The following ADAM10 variants were observed in gnomAD, a reference collection of about 807,000 sequenced individuals.
ADAM10 encodes ADAM metallopeptidase domain 10.
In ADAM10, 17 loss-of-function variants were observed where a neutral mutation model predicts 90.1. The ratio of observed to expected loss-of-function variants is 0.19; its 90% CI spans 0.13 to 0.28. ADAM10 has a LOEUF of 0.28. Among genes scored for constraint, ADAM10 ranks in the 10% least tolerant of loss-of-function variants. ADAM10 has a pLI of 1.00. For synonymous variants in ADAM10, 310 were observed against 298.6 expected, an observed-to-expected ratio of 1.04 and a Z score of -0.40; for missense variants, 610 against 914.3, an observed-to-expected ratio of 0.67 and a Z score of 4.29.
chr15:58,610,684 T>C, intron 13 of ADAM10, 167 bp from the exon 14 acceptor site: 1 of 719,308 alleles, frequency 1.4e-6, no homozygotes, highest in East Asian at 2.7e-5. Flanking sequence ...CAGTAATTCA[T>C]ATTAAATGTT....
At chr15:58,743,730 G>A (rs1279962183) in intron 1 of ADAM10, among the ~76,000 whole-genome samples, 1 of 151,856 alleles carries the variant, frequency 6.6e-6, no homozygotes, top group Non-Finnish European at 1.5e-5. Flanking sequence ...TCAGCTTCCT[G>A]AGTAGCTGGG....
At chr15:58,740,506 T>C (rs1371015041) in intron 1 of ADAM10, among the ~76,000 whole-genome samples, 2 of 152,212 alleles carry the variant, frequency 1.3e-5, no homozygotes, top group Non-Finnish European at 2.9e-5. Context: ...TACTTATACA[T>C]ATCTCAGTGT....
chr15:58,627,608 T>TG, intron 10 of ADAM10, 92 bp downstream of exon 10: 1 of 1,083,258 alleles, frequency 9.2e-7, no homozygotes, highest in Non-Finnish European at 1.4e-6. Flanking sequence ...AAAATGCAGG[T>TG]GGTGGGTATG....
intron 14 of ADAM10, among the ~76,000 whole-genome samples, chr15:58,605,105 G>T (rs987579100): frequency 6.6e-6 from 1 of 152,216 alleles, no homozygotes; most frequent in East Asian, 1.9e-4. Context: ...ATTGGAGACA[G>T]AAAGCCCAGA....
At chr15:58,661,361 A>C (rs1481705598) in intron 5 of ADAM10, among the ~76,000 whole-genome samples, 7 of 152,084 alleles carry the variant, frequency 4.6e-5, no homozygotes, top group African/African-American at 1.7e-4. Context: ...AAATTCTCTC[A>C]ATTTTTATTT....
chr15:58,746,050 G>A (rs1320207349), intron 1 of ADAM10, among the ~76,000 whole-genome samples: 9 of 152,110 alleles, frequency 5.9e-5, no homozygotes, highest in African/African-American at 2.2e-4. Flanking sequence ...TATGAAAGCC[G>A]CTTTCAAAAA....
At chr15:58,698,406 TAAAAAAAAA>T in intron 2 of ADAM10, 1 of 201,096 alleles carries the variant, frequency 5.0e-6, no homozygotes, top group Non-Finnish European at 9.3e-6. Context: ...ACCCCATCTC[TAAAAAAAAA>T]AAAAAAAAAA....
chr15:58,633,332 C>A lies in ADAM10; in HGVS notation c.1040G>T (p.Ser347Ile). Residue 347 changes from serine to isoleucine, a missense_variant, in exon 9 of 16, where the codon AGT becomes ATT. Around this residue, in one of 4 missense-constraint regions of ADAM10, gnomAD observed 97 missense variants for 221.4 expected, o/e 0.44. Transcript: ENST00000260408. ...CTTCTTACCATCTGAATAGAGTTTA[C>A]TTTTTTCACATATTCCTCCAGAGCT... ...SGSSGGICEKSKLYSDGKKKS... is the reference protein window; with the variant it reads ...SGSSGGICEKIKLYSDGKKKS... 6.2e-7 allele frequency: 1 copy of A among 1,613,672 alleles called. No individual in the cohort carries two copies. The highest frequency in any genetic ancestry group is 8.5e-7 in the Non-Finnish European group (1 of 1,179,758).
chr15:58,601,805 G>A (rs762353259), intron 14 of ADAM10, among the ~76,000 whole-genome samples: 12 of 152,258 alleles, frequency 7.9e-5, no homozygotes, highest in Non-Finnish European at 1.3e-4. Context: ...TACTTTTGAA[G>A]ATTACAGGGC....
chr15:58,733,979 T>C (rs1175652675), intron 1 of ADAM10, among the ~76,000 whole-genome samples: 1 of 151,488 alleles, frequency 6.6e-6, no homozygotes, highest in Non-Finnish European at 1.5e-5. Context: ...ATCCAATATA[T>C]TCAAATTCAC....
chr15:58,648,263 A>T, intron 5 of ADAM10, among the ~76,000 whole-genome samples: 1 of 152,252 alleles, frequency 6.6e-6, no homozygotes, highest in South Asian at 2.1e-4. Flanking sequence ...CATTTGGGGG[A>T]ACTGTCCCCA....
At position 58,590,273 on chromosome 15, in the gene ADAM10, C is replaced by T. The variant is rs1184082447; in HGVS notation, c.*7274G>A. The T allele has an allele frequency of 1.3e-5, 2 of 152,204 alleles. No homozygotes were observed. The highest frequency in any genetic ancestry group is 3.9e-4 in the East Asian group (2 of 5,184). The allele number at this position is 152,204 out of a possible 1,614,324, so 9.4% of individuals were successfully genotyped here. ...TCAGCTCTTGGATCACCAAAAACCT[C>T]CTCCTCAGCATGTATCACAGCTGGA... On this transcript the variant is annotated 3_prime_UTR_variant, in exon 16 of 16. Coordinates refer to ENST00000260408, the MANE Select transcript of ADAM10 (RefSeq NM_001110.4).
intron 2 of ADAM10, among the ~76,000 whole-genome samples, chr15:58,696,466 CTT>C (rs1270864897): frequency 7.0e-6 from 1 of 143,784 alleles, no homozygotes; most frequent in Non-Finnish European, 1.5e-5. Flanking sequence ...TTCTTTCTTT[CTT>C]TTTTTTTTTT....
chr15:58,610,230 C>T (rs770601933), intron 14 of ADAM10, 67 bp downstream of exon 14: 2 of 1,374,550 alleles, frequency 1.5e-6, no homozygotes, highest in Non-Finnish European at 2.1e-6. Flanking sequence ...ACTTTGATGA[C>T]TTCTGGCCAA....
intron 2 of ADAM10, among the ~76,000 whole-genome samples, chr15:58,690,230 G>T (rs909761766): frequency 6.6e-6 from 1 of 152,044 alleles, no homozygotes; most frequent in African/African-American, 2.4e-5. Context: ...GAAGAGACAG[G>T]AACTTCCTTA....
chr15:58,721,754 G>A (rs1355160684), intron 1 of ADAM10, among the ~76,000 whole-genome samples: 2 of 152,200 alleles, frequency 1.3e-5, no homozygotes, highest in Non-Finnish European at 2.9e-5. Flanking sequence ...GTGGCCGGGT[G>A]TGGTAGTTCA....
In ADAM10 at chr15:58,669,901, T is replaced by C. The variant is rs151279481; in HGVS notation, c.485-4704A>G. 2.5e-3 allele frequency among the ~76,000 whole-genome samples: 381 copies of C among 152,276 alleles called. 1 individual carries two copies. The highest frequency in any genetic ancestry group is 8.8e-3 in the African/African-American group (364 of 41,556). ...AGTACATAATGTATAATTGTGCTTA[T>C]ATAACATTTCAGAAAGTGCAAACTA... is the stretch of plus-strand genomic sequence containing the variant. On this transcript the variant is annotated intron_variant, in intron 4 of 15. Coordinates refer to ENST00000260408, the MANE Select transcript of ADAM10 (RefSeq NM_001110.4).
At chr15:58,599,863 T>C in intron 14 of ADAM10, 139 bp from the exon 15 acceptor site, 2 of 750,568 alleles carry the variant, frequency 2.7e-6, no homozygotes, top group South Asian at 3.9e-5. Context: ...GTTGTATACA[T>C]ATGTTAGATA....
At chr15:58,626,332 T>G (rs1211572237) in intron 10 of ADAM10, among the ~76,000 whole-genome samples, 2 of 152,100 alleles carry the variant, frequency 1.3e-5, no homozygotes, top group Non-Finnish European at 2.9e-5. Context: ...TCAATAAAAT[T>G]TCAATTAAAA....
Sources: gnomAD v4.1 joint callset for allele counts (sites outside exome capture counted in the v4.1 genomes callset) on GRCh38, gnomAD v4.1.1 for gene constraint, gnomAD v4.1.1 regional missense constraint, MANE v1.5 for transcripts, NCBI Gene and HGNC (gene_info 2026-07-23, HGNC 2026-07-21) for gene names.